ACSM2B: variants seen among roughly 807,000 people sequenced by gnomAD.
ACSM2B encodes acyl-CoA synthetase medium chain family member 2B.
A neutral mutation model predicts 78.6 loss-of-function variants in ACSM2B; 58 were observed. That is an observed-to-expected ratio of 0.74 (90% CI 0.60 to 0.92). The LOEUF is 0.92. Ranked by LOEUF, ACSM2B falls within the 40% of genes least tolerant of loss-of-function variation. The probability of loss-of-function intolerance (pLI) is 0.00; values close to 1 mark genes in which losing one functional copy is unlikely to be tolerated. For synonymous variants in ACSM2B, 257 were observed against 256.8 expected, an observed-to-expected ratio of 1.00 and a Z score of -0.01; for missense variants, 688 against 711.2, an observed-to-expected ratio of 0.97 and a Z score of 0.37.
At chr16:20,558,713 G>C (rs554018483) in intron 3 of ACSM2B, among the ~76,000 whole-genome samples, 5 of 152,310 alleles carry the variant, frequency 3.3e-5, no homozygotes, top group Non-Finnish European at 7.3e-5. Context: ...TTTCTGCAAA[G>C]AGCCAAATAG....
intron 1 of ACSM2B, among the ~76,000 whole-genome samples, chr16:20,570,703 G>A (rs988996869): frequency 6.6e-5 from 10 of 151,104 alleles, no homozygotes; most frequent in East Asian, 5.8e-4. Flanking sequence ...TTTTGTTGTC[G>A]TTGTTGTTGT....
chr16:20,544,274 T>C (rs1010467733), intron 10 of ACSM2B, among the ~76,000 whole-genome samples: 6 of 152,196 alleles, frequency 3.9e-5, no homozygotes, highest in African/African-American at 1.4e-4. Flanking sequence ...AATTCTTTTA[T>C]TTAACACACT....
At position 20,574,785 on chromosome 16, in the gene ACSM2B, C is replaced by A. The variant is rs566807222; in HGVS notation, c.-9+1422G>T. The A allele has an allele frequency of 2.2e-4, 33 of 151,082 alleles. No homozygotes were observed. In the South Asian group the frequency reaches 6.9e-3, roughly 31 times the overall value. The allele number at this position is 151,082 out of a possible 1,614,324, so 9.4% of individuals were successfully genotyped here. The stretch of plus-strand genomic sequence containing the variant: ...TGTCTATTTTTCCACAATTTCAGTT[C>A]TTTCTCTACAGGAGATTAGACTCTC... On this transcript the variant is annotated intron_variant, in intron 1 of 13. Transcript: ENST00000329697.
At chr16:20,564,149 G>A (rs1228776212) in intron 2 of ACSM2B, among the ~76,000 whole-genome samples, 5 of 152,156 alleles carry the variant, frequency 3.3e-5, no homozygotes, top group East Asian at 1.9e-4. Flanking sequence ...TGTGGAGTGC[G>A]GTGGTGTGAT....
At chr16:20,567,784 T>A (rs2015970696) in intron 1 of ACSM2B, among the ~76,000 whole-genome samples, 1 of 140,614 alleles carries the variant, frequency 7.1e-6, no homozygotes, top group South Asian at 2.1e-4. Context: ...ATATAATATA[T>A]AATATATATG....
At chr16:20,566,894 C>A (rs1435245313) in intron 1 of ACSM2B, among the ~76,000 whole-genome samples, 1 of 124,674 alleles carries the variant, frequency 8.0e-6, no homozygotes, top group African/African-American at 3.0e-5. Context: ...ATATATGATA[C>A]ACATTATATA....
chr16:20,546,071 T>C (rs2015133126), intron 9 of ACSM2B, among the ~76,000 whole-genome samples: 1 of 152,204 alleles, frequency 6.6e-6, no homozygotes, highest in Non-Finnish European at 1.5e-5. Flanking sequence ...TATTGTTAAA[T>C]GATAAAAGCT....
rs372136310 is a variant in ACSM2B, at chr16:20,543,085, G to C, written c.1409+50C>G. The C allele has an allele frequency of 1.3e-5, 21 of 1,613,220 alleles. 1 individual carries two copies. The Admixed American group carries it at 2.7e-4, about 20-fold the overall frequency. On this transcript the variant is annotated intron_variant, in intron 11 of 13. Transcript: ENST00000329697. ...AGGCCATTCCGGAAGTCTGGAACCA[G>C]CCAGAGTAAAGACCCAGATTTCCCT...
chr16:20,556,541 G>T (rs1191007930), intron 3 of ACSM2B, among the ~76,000 whole-genome samples: 1 of 152,206 alleles, frequency 6.6e-6, no homozygotes, highest in Non-Finnish European at 1.5e-5. Context: ...GGCAAAGGTT[G>T]CAGTGAGCCA....
In ACSM2B at chr16:20,548,118, T is replaced by A. The variant is rs1188153252; in HGVS notation, c.1042A>T (p.Asn348Tyr). ...TCCAGTCCTGTCTGGGCCCTCCAGT[T>A]CTCCAGAGTTTCTGGAAGAAGGGAC... Reference protein sequence around the residue: ...GESLLPETLENWRAQTGLDIR... With the variant: ...GESLLPETLEYWRAQTGLDIR... The change falls in exon 8 of 14, where the codon AAC becomes TAC. Residue 348 changes from asparagine to tyrosine, a missense_variant. Physicochemically the swap from Asn to Tyr is moderately radical, Grantham distance 143 (BLOSUM62 -2). Coordinates refer to ENST00000329697, the MANE Select transcript of ACSM2B (RefSeq NM_001105069.2). 4.3e-6 allele frequency: 7 copies of A among 1,613,922 alleles called. No homozygotes were observed. In the East Asian group the frequency reaches 6.7e-5, roughly 15 times the overall value.
chr16:20,555,636 A>T (rs537745818), intron 3 of ACSM2B, among the ~76,000 whole-genome samples, 160 bp from the exon 4 acceptor site: 77 of 152,244 alleles, frequency 5.1e-4, no homozygotes, highest in Middle Eastern at 3.4e-3. Flanking sequence ...AGGACTAGGG[A>T]GTGAATGAAA....
At chr16:20,566,881 A>G (rs1381939346) in intron 1 of ACSM2B, among the ~76,000 whole-genome samples, 1 of 126,962 alleles carries the variant, frequency 7.9e-6, no homozygotes, top group Non-Finnish European at 1.6e-5. Context: ...ATCTCTATAT[A>G]TAATATATGA....
At position 20,536,233 on chromosome 16, in the gene ACSM2B, G is replaced by A. The variant is rs562177124; in HGVS notation, c.*1025C>T. 1 of 151,832 alleles carries A rather than the reference G, an allele frequency of 6.6e-6. No homozygotes were observed. The highest frequency in any genetic ancestry group is 6.6e-5 in the Admixed American group (1 of 15,258). The allele number at this position is 151,832 out of a possible 1,614,324, so 9.4% of individuals were successfully genotyped here. On this transcript the variant is annotated 3_prime_UTR_variant, in exon 14 of 14. Transcript: ENST00000329697. ...ACTTACCTCATCCCTGTCTTTTTTTGTTTTTCCTAAAGACTATTGTCAGGA... is the reference window on the plus strand; with the variant it reads ...ACTTACCTCATCCCTGTCTTTTTTTATTTTTCCTAAAGACTATTGTCAGGA...
intron 1 of ACSM2B, among the ~76,000 whole-genome samples, chr16:20,566,883 AAT>A (rs2015911030): frequency 7.9e-6 from 1 of 126,986 alleles, no homozygotes; most frequent in Non-Finnish European, 1.6e-5. Flanking sequence ...CTCTATATAT[AAT>A]ATATGATACA....
Position 20,545,201 on chromosome 16 carries a change from T to C in ACSM2B, c.1237A>G (p.Arg413Gly), listed in dbSNP as rs767292782. The change falls in exon 10 of 14, where the codon AGG (arginine) becomes GGG (glycine). Residue 413 changes from arginine to glycine, a missense_variant. Arg to Gly is a moderately radical substitution (Grantham distance 125). Transcript: ENST00000329697. ...PPGTEGDIGIRVKPIRPIGIF... is the reference protein window; with the variant it reads ...PPGTEGDIGIGVKPIRPIGIF... ...CCTATAGGCCTGATGGGTTTGACCC[T>C]GATGCCAATGTCTCCTTCTGTGCCG... is the stretch of plus-strand genomic sequence containing the variant. The C allele has an allele frequency of 6.2e-7, 1 of 1,613,922 alleles. No homozygotes were observed.
At chr16:20,574,742 T>C (rs2152156275) in intron 1 of ACSM2B, 1 of 149,612 alleles carries the variant, frequency 6.7e-6, no homozygotes, top group East Asian at 2.0e-4. Flanking sequence ...GGTCAGCCAC[T>C]AACATGATAA....
At chr16:20,564,915 A>C in intron 1 of ACSM2B, 62 bp from the exon 2 acceptor site, 1 of 1,529,910 alleles carries the variant, frequency 6.5e-7, no homozygotes, top group Non-Finnish European at 8.8e-7. Context: ...ACTGATCATC[A>C]GCGGCTTCAG....
At position 20,536,965 on chromosome 16, in the gene ACSM2B, C is replaced by T. The variant is rs1195696554; in HGVS notation, c.*293G>A. ...CTTCCCTTGCTTCCTCTCGCCTTCCCTCCCTACTTTATTTCTTTTTCAATT... is the reference window on the plus strand; with the variant it reads ...CTTCCCTTGCTTCCTCTCGCCTTCCTTCCCTACTTTATTTCTTTTTCAATT... On this transcript the variant is annotated 3_prime_UTR_variant, in exon 14 of 14. Coordinates refer to ENST00000329697, the MANE Select transcript of ACSM2B (RefSeq NM_001105069.2). 5 of 258,206 alleles carry T rather than the reference C, an allele frequency of 1.9e-5. No homozygotes were observed. The East Asian group carries it at 2.1e-4, about 11-fold the overall frequency. The allele number at this position is 258,206 out of a possible 1,614,324, so 16.0% of individuals were successfully genotyped here. A position where few individuals can be genotyped will look rare whatever the true frequency, so the allele number is the denominator to read the frequency against.
chr16:20,553,221 A>G lies in ACSM2B; in HGVS notation c.740+556T>C, dbSNP rs772661894. 3.8e-4 allele frequency among the ~76,000 whole-genome samples: 58 copies of G among 152,310 alleles called. 1 individual carries two copies. The highest frequency in any genetic ancestry group is 7.9e-4 in the Non-Finnish European group (54 of 68,022). On this transcript the variant is annotated intron_variant, in intron 5 of 13. Transcript: ENST00000329697. Reference sequence around the variant, plus strand: ...ATGGAAGGTGGGATCTACTAAAACAATTCTGATGATTTATAGATATCATTG... The same window carrying G: ...ATGGAAGGTGGGATCTACTAAAACAGTTCTGATGATTTATAGATATCATTG...
Sources: gnomAD v4.1 joint callset for allele counts (sites outside exome capture counted in the v4.1 genomes callset) on GRCh38, gnomAD v4.1.1 for gene constraint, MANE v1.5 for transcripts, NCBI Gene and HGNC (gene_info 2026-07-23, HGNC 2026-07-21) for gene names.